MBOAT2: variants seen among roughly 807,000 people sequenced by gnomAD.
The protein encoded by MBOAT2 is membrane bound glycerophospholipid O-acyltransferase 2.
In MBOAT2, 28 loss-of-function variants were observed where a neutral mutation model predicts 63.4. The ratio of observed to expected loss-of-function variants is 0.44; its 90% CI spans 0.33 to 0.61. MBOAT2 has a LOEUF of 0.61. MBOAT2 is among the 20% of genes least tolerant of loss of function. MBOAT2 has a pLI of 0.03. For missense variants in MBOAT2, 470 were observed against 605.8 expected (o/e 0.78, Z 2.35); for synonymous variants, 211 against 215.6 (o/e 0.98, Z 0.19).
chr2:8,910,745 G>A (rs1281674588), intron 3 of MBOAT2, among the ~76,000 whole-genome samples: 1 of 152,170 alleles, frequency 6.6e-6, no homozygotes, highest in African/African-American at 2.4e-5. Flanking sequence ...GTCTAATGTA[G>A]AGGATTACAA....
At chr2:8,889,475 A>G (rs1205467958) in intron 4 of MBOAT2, among the ~76,000 whole-genome samples, 3 of 152,192 alleles carry the variant, frequency 2.0e-5, no homozygotes, top group Non-Finnish European at 4.4e-5. Context: ...TTACATTTAC[A>G]TACTCACTCC....
intron 6 of MBOAT2, 118 bp downstream of exon 6, chr2:8,882,393 G>A (rs991297185): frequency 3.9e-6 from 4 of 1,016,166 alleles, no homozygotes; most frequent in Non-Finnish European, 6.0e-6. Flanking sequence ...AGAGAGTGAG[G>A]CTTGATTTTC....
intron 4 of MBOAT2, among the ~76,000 whole-genome samples, chr2:8,891,618 A>C (rs775140384): frequency 2.6e-5 from 4 of 152,176 alleles, no homozygotes; most frequent in African/African-American, 4.8e-5. Context: ...TTAACTATTA[A>C]ATATCTGTTG....
chr2:8,981,041 AAGAT>A (rs141696224), intron 1 of MBOAT2, among the ~76,000 whole-genome samples: 1,746 of 152,316 alleles, frequency 0.011, 32 homozygotes, highest in African/African-American at 0.039. Flanking sequence ...CTGATATGCA[AAGAT>A]AGATAAACCT....
In MBOAT2 at chr2:8,943,271, AAAGT is replaced by A. The variant is rs1186922027; in HGVS notation, c.222-11_222-8del. On this transcript the variant is annotated splice_region_variant and splice_polypyrimidine_tract_variant and intron_variant, in intron 2 of 12. Transcript: ENST00000305997. ...AAGAAAGTGTAAGGCATACCTATAA[AAAGT>A]AAGAGCACTATTAGAAGAGGGATGC... is the stretch of plus-strand genomic sequence containing the variant. 6 of 1,535,210 alleles carry A rather than the reference AAAGT, an allele frequency of 3.9e-6. No homozygotes were observed. Among genetic ancestry groups the A allele is most frequent in the South Asian group, 1.3e-5 (1 of 79,592 alleles).
At chr2:8,860,788 T>C (rs762578403) in intron 11 of MBOAT2, 24 bp from the exon 12 acceptor site, 6 of 1,526,292 alleles carry the variant, frequency 3.9e-6, no homozygotes, top group South Asian at 3.5e-5. Flanking sequence ...ACAAAAACAT[T>C]TGCTGTATCT....
At chr2:8,978,843 G>A (rs1671007469) in intron 1 of MBOAT2, among the ~76,000 whole-genome samples, 1 of 144,272 alleles carries the variant, frequency 6.9e-6, no homozygotes, top group Admixed American at 6.7e-5. Context: ...AATTAAAAAA[G>A]CACCCATCTT....
chr2:8,977,170 T>G (rs1670877306), intron 1 of MBOAT2, among the ~76,000 whole-genome samples: 1 of 152,128 alleles, frequency 6.6e-6, no homozygotes, highest in Admixed American at 6.5e-5. Context: ...AATTTTACAC[T>G]TTTACTATGT....
Position 8,886,674 on chromosome 2 carries a change from C to T in MBOAT2, c.451+1344G>A, listed in dbSNP as rs1016457069. ...TCTAAAGAGATAATTACCATTAAAT[C>T]CATTTAAAAGAACAGGTTACAAAAT... On this transcript the variant is annotated intron_variant, in intron 5 of 12. Coordinates refer to ENST00000305997, the MANE Select transcript of MBOAT2 (RefSeq NM_138799.4). Among the ~76,000 whole-genome samples, 4 of 152,166 alleles carry T rather than the reference C, an allele frequency of 2.6e-5. No homozygotes were observed. The South Asian group carries it at 6.2e-4, about 24-fold the overall frequency.
intron 12 of MBOAT2, 135 bp downstream of exon 12, chr2:8,860,478 A>G: frequency 1.1e-6 from 1 of 873,222 alleles, no homozygotes; most frequent in South Asian, 1.6e-5. Context: ...GTTCAGAATT[A>G]AAAAGTAACT....
chr2:8,901,052 C>T (rs1378178596), intron 4 of MBOAT2, among the ~76,000 whole-genome samples: 1 of 152,146 alleles, frequency 6.6e-6, no homozygotes, highest in Non-Finnish European at 1.5e-5. Context: ...TTTTGTTTCT[C>T]GCCCTGCCCA....
intron 1 of MBOAT2, among the ~76,000 whole-genome samples, chr2:8,970,189 T>A (rs1304322569): frequency 2.0e-5 from 3 of 152,150 alleles, no homozygotes; most frequent in Non-Finnish European, 4.4e-5. Flanking sequence ...CACAGTGCAA[T>A]CAAACTACAA....
At chr2:8,928,338 T>C (rs983044275) in intron 3 of MBOAT2, among the ~76,000 whole-genome samples, 3 of 151,804 alleles carry the variant, frequency 2.0e-5, no homozygotes, top group African/African-American at 7.3e-5. Context: ...GAGTTAAAAG[T>C]GAGGGTGCAG....
chr2:8,883,053 G>C (rs1368716964), intron 5 of MBOAT2, among the ~76,000 whole-genome samples: 2 of 151,846 alleles, frequency 1.3e-5, no homozygotes, highest in Admixed American at 6.6e-5. Flanking sequence ...TCTTCAAAGA[G>C]GAGGATATAT....
At chr2:9,003,684 T>TG, upstream of MBOAT2, 1 of 1,007,822 alleles carries the variant, frequency 9.9e-7, no homozygotes, top group Non-Finnish European at 1.2e-6. The surrounding 1 kb of genome is among the most constrained non-coding windows in gnomAD (Gnocchi z 5.4). Context: ...ACGACGAGGA[T>TG]GGGGATGCAG....
At chr2:8,932,387 A>G (rs1573088093) in intron 3 of MBOAT2, among the ~76,000 whole-genome samples, 2 of 152,216 alleles carry the variant, frequency 1.3e-5, no homozygotes, top group African/African-American at 4.8e-5. Flanking sequence ...AAGACTCCCA[A>G]TACTACATCC....
intron 1 of MBOAT2, among the ~76,000 whole-genome samples, chr2:9,002,152 T>C (rs1395104729): frequency 6.6e-6 from 1 of 152,198 alleles, no homozygotes; most frequent in African/African-American, 2.4e-5. Flanking sequence ...AGAAGAATAT[T>C]TTCTTCGAAT....
At chr2:8,999,990 C>T (rs1457466570) in intron 1 of MBOAT2, among the ~76,000 whole-genome samples, 3 of 152,190 alleles carry the variant, frequency 2.0e-5, no homozygotes, top group Non-Finnish European at 4.4e-5. Flanking sequence ...TCAGCCTAAC[C>T]ACAAAACACT....
In MBOAT2 at chr2:8,902,885, G is replaced by C. The variant is rs555385518; in HGVS notation, c.395+5736C>G. On this transcript the variant is annotated intron_variant, in intron 4 of 12. Coordinates refer to ENST00000305997, the MANE Select transcript of MBOAT2 (RefSeq NM_138799.4). ...ACAAGTGGGTTGCTGCTGCTGGCTC[G>C]GGTGGCCTGCTTTTATTCCCTTATT... Among the ~76,000 whole-genome samples the C allele has an allele frequency of 3.7e-4, 56 of 152,182 alleles. 1 individual carries two copies. Among genetic ancestry groups the C allele is most frequent in the Admixed American group, 3.7e-3 (56 of 15,280 alleles).
Sources: allele counts gnomAD v4.1 joint callset (sites outside exome capture counted in the v4.1 genomes callset), GRCh38; gene constraint gnomAD v4.1.1; non-coding constraint Gnocchi (gnomAD v3.1); transcripts MANE v1.5; gene names NCBI Gene and HGNC (gene_info 2026-07-23, HGNC 2026-07-21).